The following CCDC146 variants were observed in gnomAD, a reference collection of about 807,000 sequenced individuals.
CCDC146 encodes the protein coiled-coil domain containing 146, also known as coiled-coil domain-containing protein 146.
CCDC146 carries 92 observed loss-of-function variants against 119.3 expected under a neutral mutation model. The observed-to-expected ratio is 0.77, with a 90% confidence interval of 0.65 to 0.92. The LOEUF (loss-of-function observed/expected upper bound fraction) is 0.92, where lower values mean the gene tolerates loss of function less well. CCDC146 is among the 40% of genes least tolerant of loss of function. CCDC146 has a pLI of 0.00. For synonymous variants in CCDC146, 372 were observed against 371.8 expected, an observed-to-expected ratio of 1.00 and a Z score of -0.01; for missense variants, 1,000 against 1,103.0, an observed-to-expected ratio of 0.91 and a Z score of 1.32.
chr7:77,128,625 GGGAAATCCC>G (rs1488544979), intron 1 of CCDC146, among the ~76,000 whole-genome samples: 2 of 151,444 alleles, frequency 1.3e-5, no homozygotes, highest in Non-Finnish European at 2.9e-5. Context: ...AGAAATTGTA[GGGAAATCCC>G]GATTTTTTTC....
At chr7:77,222,748 C>T (rs1004541979) in intron 2 of CCDC146, among the ~76,000 whole-genome samples, 4 of 152,220 alleles carry the variant, frequency 2.6e-5, no homozygotes, top group African/African-American at 9.6e-5. Flanking sequence ...ATGCTCTGGT[C>T]TCTAAGGGCC....
chr7:77,200,036 C>T (rs1178723554), intron 2 of CCDC146, among the ~76,000 whole-genome samples: 1 of 152,192 alleles, frequency 6.6e-6, no homozygotes, highest in Non-Finnish European at 1.5e-5. Flanking sequence ...ACACAGCCAA[C>T]AAGATTCACT....
At chr7:77,217,621 CACTT>C (rs1461285576) in intron 2 of CCDC146, among the ~76,000 whole-genome samples, 2 of 151,432 alleles carry the variant, frequency 1.3e-5, no homozygotes, top group African/African-American at 4.9e-5. Flanking sequence ...AGTCATGTGT[CACTT>C]AAGAAGGATA....
intron 9 of CCDC146, among the ~76,000 whole-genome samples, chr7:77,266,253 T>G (rs1793400653): frequency 6.6e-6 from 1 of 152,210 alleles, no homozygotes; most frequent in Non-Finnish European, 1.5e-5. Context: ...TAATTTTTCT[T>G]TAATTATAGT....
chr7:77,195,960 A>G (rs1406407724), intron 2 of CCDC146: 1 of 239,514 alleles, frequency 4.2e-6, no homozygotes, highest in East Asian at 9.3e-5. Context: ...CCCAGCCAAC[A>G]ATTATTTTTT....
intron 1 of CCDC146, among the ~76,000 whole-genome samples, chr7:77,156,124 C>T (rs1791176076): frequency 6.6e-6 from 1 of 152,160 alleles, no homozygotes. Flanking sequence ...GGTTCTCCAC[C>T]ATCATGTTGC....
chr7:77,177,526 G>A (rs1283152012), intron 2 of CCDC146, among the ~76,000 whole-genome samples: 1 of 152,134 alleles, frequency 6.6e-6, no homozygotes, highest in Admixed American at 6.6e-5. Flanking sequence ...CTGCTTCAGC[G>A]CGCATTTCAC....
chr7:77,187,930 C>T (rs1791697726), intron 2 of CCDC146, among the ~76,000 whole-genome samples: 1 of 152,204 alleles, frequency 6.6e-6, no homozygotes, highest in East Asian at 1.9e-4. Flanking sequence ...AGACCCGTAA[C>T]AATAGCTGAG....
At chr7:77,266,323 T>C (rs1332902698) in intron 9 of CCDC146, among the ~76,000 whole-genome samples, 1 of 152,214 alleles carries the variant, frequency 6.6e-6, no homozygotes, top group Non-Finnish European at 1.5e-5. Context: ...TTTTTCTCTC[T>C]TCATGACTCA....
chr7:77,177,023 A>T (rs1247810368), intron 2 of CCDC146, among the ~76,000 whole-genome samples: 2 of 151,594 alleles, frequency 1.3e-5, no homozygotes, highest in Non-Finnish European at 2.9e-5. Flanking sequence ...TTATGTAGAG[A>T]TAGAGTTTCA....
intron 1 of CCDC146, among the ~76,000 whole-genome samples, chr7:77,153,952 A>G (rs1398042683): frequency 6.6e-6 from 1 of 151,980 alleles, no homozygotes; most frequent in Admixed American, 6.6e-5. Flanking sequence ...GTACAATCAT[A>G]AACTAGAATA....
chr7:77,290,032 T>C (rs991495827), intron 17 of CCDC146, among the ~76,000 whole-genome samples: 2 of 151,866 alleles, frequency 1.3e-5, no homozygotes, highest in Admixed American at 6.5e-5. Flanking sequence ...GCAAATGTGG[T>C]ACATATACAC....
chr7:77,130,863 C>G (rs997294959), intron 1 of CCDC146, among the ~76,000 whole-genome samples: 3 of 149,958 alleles, frequency 2.0e-5, no homozygotes, highest in Non-Finnish European at 4.4e-5. Context: ...TCCCAAAGTG[C>G]TGGGATTACA....
chr7:77,185,706 G>A (rs77997468), intron 2 of CCDC146, among the ~76,000 whole-genome samples: 2,704 of 152,218 alleles, frequency 0.018, 72 homozygotes, highest in African/African-American at 0.062. Flanking sequence ...ATGCACAAGC[G>A]TCAAGACCAT....
At chr7:77,220,935 G>C (rs906670669) in intron 2 of CCDC146, among the ~76,000 whole-genome samples, 9 of 152,146 alleles carry the variant, frequency 5.9e-5, no homozygotes, top group Non-Finnish European at 1.2e-4. Flanking sequence ...ATTGGCTCAT[G>C]GTTCCACAGG....
At chr7:77,218,063 C>A (rs905166112) in intron 2 of CCDC146, among the ~76,000 whole-genome samples, 2 of 152,064 alleles carry the variant, frequency 1.3e-5, no homozygotes, top group African/African-American at 4.8e-5. Context: ...TCGCTACAAC[C>A]ACATGACCAA....
chr7:77,258,991 C>G lies in CCDC146; in HGVS notation c.685-4C>G, dbSNP rs1793236175. 6.2e-7 allele frequency: 1 copy of G among 1,605,238 alleles called. No individual in the cohort carries two copies. The highest frequency in any genetic ancestry group is 1.3e-5 in the African/African-American group (1 of 74,774). ...AATTTAACATGATTTCGTTTCTTTA[C>G]TAGGATGAAGTGGCCCACCATCAAA... is the stretch of plus-strand genomic sequence containing the variant. On this transcript the variant is annotated splice_polypyrimidine_tract_variant and splice_region_variant and intron_variant, in intron 6 of 18. Coordinates refer to ENST00000285871, the MANE Select transcript of CCDC146 (RefSeq NM_020879.3).
chr7:77,161,871 G>A (rs1473000401), intron 1 of CCDC146, among the ~76,000 whole-genome samples: 2 of 152,026 alleles, frequency 1.3e-5, no homozygotes, highest in African/African-American at 4.8e-5. Context: ...TCTTATTGTG[G>A]TTTTGATTTG....
rs193081107 is a variant in CCDC146, at chr7:77,217,277, A to G, written c.157-19670A>G. 9.5e-4 allele frequency among the ~76,000 whole-genome samples: 144 copies of G among 152,086 alleles called. 1 individual carries two copies. The highest frequency in any genetic ancestry group is 3.4e-3 in the African/African-American group (139 of 41,486). On this transcript the variant is annotated intron_variant, in intron 2 of 18. Transcript: ENST00000285871. The stretch of plus-strand genomic sequence containing the variant: ...ATAAGACATTCCAAAAAGCTTGTGC[A>G]ACAGTTTTAGAACCAGGGAGCCATT...
Sources: gnomAD v4.1 joint callset for allele counts (sites outside exome capture counted in the v4.1 genomes callset) on GRCh38, gnomAD v4.1.1 for gene constraint, MANE v1.5 for transcripts, NCBI Gene and HGNC (gene_info 2026-07-23, HGNC 2026-07-21) for gene names.